INTS4: variants seen among roughly 807,000 people sequenced by gnomAD.
The protein encoded by INTS4 is MSTP093.
A neutral mutation model predicts 119.5 loss-of-function variants in INTS4; 70 were observed. The observed-to-expected ratio is 0.59, with a 90% CI of 0.48 to 0.71. The LOEUF is 0.71. Ranked by LOEUF, INTS4 falls within the 30% of genes least tolerant of loss-of-function variation. INTS4 has a pLI of 0.00. For synonymous variants in INTS4, 316 were observed against 419.6 expected (o/e 0.75, Z 3.02); for missense variants, 867 against 1,173.2 (o/e 0.74, Z 3.81).
intron 22 of INTS4, 111 bp downstream of exon 22, chr11:77,883,720 CA>C: frequency 8.6e-7 from 1 of 1,168,906 alleles, no homozygotes; most frequent in Admixed American, 2.5e-5. Context: ...TCAATTCTTA[CA>C]AGGCCTGATT....
Position 77,982,197 on chromosome 11 carries a change from G to A in INTS4, c.247-621C>T, listed in dbSNP as rs369616553. Among the ~76,000 whole-genome samples, 125 of 149,178 alleles carry A rather than the reference G, an allele frequency of 8.4e-4. 2 individuals carry two copies. The South Asian group carries it at 0.026, about 31-fold the overall frequency. ...GTCTCCCAGGTCAGAGTGCAGTGGCGCCATCATGGCTAACTAGAGCCTTGA... is the reference window on the plus strand; with the variant it reads ...GTCTCCCAGGTCAGAGTGCAGTGGCACCATCATGGCTAACTAGAGCCTTGA... On this transcript the variant is annotated intron_variant, in intron 2 of 22. Coordinates refer to ENST00000534064, the MANE Select transcript of INTS4 (RefSeq NM_033547.4).
chr11:77,928,060 A>T (rs1953552137), intron 11 of INTS4, among the ~76,000 whole-genome samples: 1 of 152,130 alleles, frequency 6.6e-6, no homozygotes, highest in South Asian at 2.1e-4. Context: ...TCAAGTGTCC[A>T]CTACAGCACT....
Position 77,981,670 on chromosome 11 carries a change from A to G in INTS4, c.247-94T>C, listed in dbSNP as rs1047211809. 7.4e-6 allele frequency: 4 copies of G among 537,906 alleles called. No homozygotes were observed. The Admixed American group carries it at 8.8e-5, about 12-fold the overall frequency. The allele number at this position is 537,906 out of a possible 1,614,324, so 33.3% of individuals were successfully genotyped here. ...AAACTAACATCCCAAAAGAGATTCAATGATCCAAGTATTCTATGGCATCAT... is the reference window on the plus strand; with the variant it reads ...AAACTAACATCCCAAAAGAGATTCAGTGATCCAAGTATTCTATGGCATCAT... On this transcript the variant is annotated intron_variant, in intron 2 of 22. Transcript: ENST00000534064.
chr11:77,884,711 C>G, intron 21 of INTS4: 1 of 274,254 alleles, frequency 3.6e-6, no homozygotes, highest in Non-Finnish European at 7.8e-6. Context: ...AATCCTTCAT[C>G]TCTCCTCAGG....
intron 1 of INTS4, among the ~76,000 whole-genome samples, chr11:77,994,279 G>A (rs1235869802): frequency 1.3e-5 from 2 of 152,136 alleles, no homozygotes; most frequent in Non-Finnish European, 2.9e-5. Flanking sequence ...TCTGGAAAAC[G>A]AGGATGCTAA....
At chr11:77,975,393 T>C (rs1855905123) in intron 4 of INTS4, among the ~76,000 whole-genome samples, 2 of 152,186 alleles carry the variant, frequency 1.3e-5, no homozygotes, top group Non-Finnish European at 2.9e-5. Context: ...AATTTCTTCC[T>C]GTTAACTAAT....
intron 19 of INTS4, among the ~76,000 whole-genome samples, chr11:77,893,043 G>A (rs1300390065): frequency 6.6e-6 from 1 of 152,178 alleles, no homozygotes; most frequent in Non-Finnish European, 1.5e-5. Context: ...AACTTCATGA[G>A]GGCAGGGACA....
intron 1 of INTS4, among the ~76,000 whole-genome samples, chr11:77,994,312 G>A (rs1856813361): frequency 6.6e-6 from 1 of 152,128 alleles, no homozygotes; most frequent in African/African-American, 2.4e-5. Context: ...GAGCAAAGTT[G>A]TGTGAGAGAA....
At chr11:77,991,797 G>A (rs949796942) in intron 1 of INTS4, among the ~76,000 whole-genome samples, 1 of 151,992 alleles carries the variant, frequency 6.6e-6, no homozygotes, top group African/African-American at 2.4e-5. Context: ...AGACACTGTC[G>A]CCCAGGCAGG....
chr11:77,905,269 C>T (rs963609950), intron 16 of INTS4, among the ~76,000 whole-genome samples: 6 of 151,928 alleles, frequency 3.9e-5, no homozygotes, highest in Non-Finnish European at 5.9e-5. Context: ...CCAGCCTGAC[C>T]AACATGGCAA....
At chr11:77,880,137 T>C (rs1951735612) in intron 22 of INTS4, among the ~76,000 whole-genome samples, 1 of 152,168 alleles carries the variant, frequency 6.6e-6, no homozygotes, top group South Asian at 2.1e-4. Flanking sequence ...GTCTCCTTAA[T>C]TTGGTGCAAC....
intron 4 of INTS4, among the ~76,000 whole-genome samples, chr11:77,971,475 C>T (rs575787496): frequency 6.6e-6 from 1 of 151,862 alleles, no homozygotes; most frequent in South Asian, 2.1e-4. Flanking sequence ...AGTGAAACCC[C>T]GTCTCTACCA....
At chr11:77,956,591 C>T (rs1954327717) in intron 7 of INTS4, among the ~76,000 whole-genome samples, 1 of 151,974 alleles carries the variant, frequency 6.6e-6, no homozygotes, top group African/African-American at 2.4e-5. Context: ...TCTGCAATTC[C>T]AGCTACTCAG....
chr11:77,899,841 T>TC (rs1291578581), intron 18 of INTS4, among the ~76,000 whole-genome samples: 2 of 152,088 alleles, frequency 1.3e-5, no homozygotes, highest in African/African-American at 2.4e-5. Context: ...ATTGTACACA[T>TC]CTTTATAATC....
intron 21 of INTS4, among the ~76,000 whole-genome samples, chr11:77,889,579 G>C (rs1274706016): frequency 6.6e-6 from 1 of 152,106 alleles, no homozygotes; most frequent in Non-Finnish European, 1.5e-5. Flanking sequence ...TTAATGAATG[G>C]AGTTCTGCAG....
At chr11:77,993,842 AATCGACATTTGAACAAC>A (rs1361781233) in intron 1 of INTS4, among the ~76,000 whole-genome samples, 1 of 151,970 alleles carries the variant, frequency 6.6e-6, no homozygotes, top group African/African-American at 2.4e-5. Context: ...TATCAAATAG[AATCGACATTTGAACAAC>A]GTCCCCAGGT....
At chr11:77,992,089 C>T (rs1453280779) in intron 1 of INTS4, among the ~76,000 whole-genome samples, 2 of 151,682 alleles carry the variant, frequency 1.3e-5, no homozygotes, top group African/African-American at 4.8e-5. Context: ...CTCCCAAAGT[C>T]CATTCTTTAT....
chr11:77,931,675 C>T (rs1202179817), intron 10 of INTS4, among the ~76,000 whole-genome samples: 3 of 152,088 alleles, frequency 2.0e-5, no homozygotes, highest in African/African-American at 7.2e-5. Context: ...CCTCATGCTA[C>T]CTGACTTCAA....
chr11:77,900,112 T>TTA (rs398115525), intron 18 of INTS4, among the ~76,000 whole-genome samples: 1 of 149,896 alleles, frequency 6.7e-6, no homozygotes, highest in Non-Finnish European at 1.5e-5. Context: ...TTTTTTTTTT[T>TTA]ATATAAAGAT....
Sources: gnomAD v4.1 joint callset for allele counts (sites outside exome capture counted in the v4.1 genomes callset) on GRCh38, gnomAD v4.1.1 for gene constraint, MANE v1.5 for transcripts, NCBI Gene and HGNC (gene_info 2026-07-23, HGNC 2026-07-21) for gene names.